Variants in PLET1 observed in about 807,000 individuals in gnomAD.
PLET1 encodes placenta expressed transcript 1, also known as placenta-expressed transcript 1 protein.
PLET1 carries 20 observed loss-of-function variants against 18.5 expected under a neutral mutation model. That is an observed-to-expected ratio of 1.08 (90% CI 0.76 to 1.57). PLET1 has a LOEUF of 1.57. PLET1 is among the 40% of genes most tolerant of loss of function. PLET1 has a pLI of 0.00. For synonymous variants in PLET1, 93 were observed against 93.8 expected, an observed-to-expected ratio of 0.99 and a Z score of 0.05; for missense variants, 256 against 246.4, an observed-to-expected ratio of 1.04 and a Z score of -0.26.
intron 3 of PLET1, among the ~76,000 whole-genome samples, chr11:112,250,500 C>T (rs1860145132): frequency 6.6e-6 from 1 of 152,118 alleles, no homozygotes; most frequent in Non-Finnish European, 1.5e-5. Flanking sequence ...CTTTGATGGA[C>T]TTACACACTA....
chr11:112,249,290 G>A (rs1472144775), intron 3 of PLET1, among the ~76,000 whole-genome samples: 2 of 152,162 alleles, frequency 1.3e-5, no homozygotes, highest in Non-Finnish European at 2.9e-5. Context: ...GGGGTGGGTA[G>A]TCTCCTCCTG....
At position 112,252,444 on chromosome 11, in the gene PLET1, G is replaced by A. The variant is rs2135416745; in HGVS notation, c.387-35C>T. On this transcript the variant is annotated intron_variant, in intron 2 of 3. Coordinates refer to ENST00000338832, the MANE Select transcript of PLET1 (RefSeq NM_001145024.1). Reference sequence around the variant, plus strand: ...GCAAATCAATGAGAGATAATGCTGAGGACCTCATGCGGAATTCACAAGTTC... The same window carrying A: ...GCAAATCAATGAGAGATAATGCTGAAGACCTCATGCGGAATTCACAAGTTC... 2.6e-6 allele frequency: 4 copies of A among 1,529,690 alleles called. No homozygotes were observed. The East Asian group carries it at 7.4e-5, about 28-fold the overall frequency. The allele number at this position is 1,529,690 out of a possible 1,614,324, so 94.8% of individuals were successfully genotyped here. A position where few individuals can be genotyped will look rare whatever the true frequency, so the allele number is the denominator to read the frequency against.
chr11:112,255,333 C>A, intron 2 of PLET1, 55 bp downstream of exon 2: 1 of 1,508,168 alleles, frequency 6.6e-7, no homozygotes, highest in Non-Finnish European at 9.0e-7. Context: ...TGTAAAACTG[C>A]ATAAACCCAA....
At chr11:112,254,913 GGGTAT>G (rs1335615595) in intron 2 of PLET1, among the ~76,000 whole-genome samples, 81 of 108,422 alleles carry the variant, frequency 7.5e-4, no homozygotes, top group South Asian at 5.6e-3. Flanking sequence ...GGTGTGTGTG[GGGTAT>G]GTATGTGTGT....
intron 2 of PLET1, among the ~76,000 whole-genome samples, chr11:112,253,160 G>C (rs183701717): frequency 1.8e-4 from 28 of 152,272 alleles, no homozygotes; most frequent in Admixed American, 1.2e-3. Context: ...TGATGAAGGG[G>C]AAGAAATTCT....
intron 3 of PLET1, among the ~76,000 whole-genome samples, chr11:112,251,448 G>A (rs935607495): frequency 5.3e-5 from 8 of 152,164 alleles, no homozygotes; most frequent in Non-Finnish European, 1.0e-4. Context: ...GCCAGGCATG[G>A]TGGCTCATTC....
intron 1 of PLET1, among the ~76,000 whole-genome samples, chr11:112,257,885 T>G (rs1434685812): frequency 6.6e-6 from 1 of 152,232 alleles, no homozygotes; most frequent in Non-Finnish European, 1.5e-5. Flanking sequence ...AGTCCTGAGT[T>G]CTGGCAGTAA....
At chr11:112,258,460 T>G (rs570314417) in intron 1 of PLET1, among the ~76,000 whole-genome samples, 6 of 152,156 alleles carry the variant, frequency 3.9e-5, no homozygotes, top group Admixed American at 2.6e-4. Context: ...ATTTTTGTGT[T>G]TTTAGTAAAG....
intron 1 of PLET1, 40 bp from the exon 2 acceptor site, chr11:112,255,629 C>G (rs1380097837): frequency 2.6e-6 from 4 of 1,528,172 alleles, no homozygotes; most frequent in Non-Finnish European, 3.5e-6. Flanking sequence ...CCATCTGTTC[C>G]CTCTGAGCCA....
rs372730510 is a variant in PLET1 at position 112,255,453 on chromosome 11, G to A, written c.321C>T (p.Tyr107=). The A allele has an allele frequency of 1.9e-6, 3 of 1,552,190 alleles. No individual in the cohort carries two copies. The highest frequency in any genetic ancestry group is 2.7e-5 in the African/African-American group (2 of 73,028). ...SNSTYYVKDQ[Y]MTVLEAQWQA... ...GCCACTGTGCCTCTAAGACCGTCAT[G>A]TATTGATCTTTCACGTAATACGTGG... The change falls in exon 2 of 4, where the codon TAC becomes TAT. Residue 107 remains tyrosine, a synonymous_variant. Transcript: ENST00000338832.
At chr11:112,249,712 T>C (rs935237354) in intron 3 of PLET1, among the ~76,000 whole-genome samples, 3 of 151,968 alleles carry the variant, frequency 2.0e-5, no homozygotes, top group African/African-American at 7.2e-5. Flanking sequence ...ATCCCAGCAC[T>C]TTGGGAGGCT....
chr11:112,257,933 C>T (rs2564890), intron 1 of PLET1, among the ~76,000 whole-genome samples: 105,741 of 152,128 alleles, frequency 0.7, 37,222 homozygotes, highest in South Asian at 0.8. Context: ...TGTGTAACCA[C>T]GGGTGTGGGA....
At position 112,255,589 on chromosome 11, in the gene PLET1, A is replaced by C. The variant is rs1308416669; in HGVS notation, c.185T>G (p.Val62Gly). ...HIYESNAVYS[V>G]FVPVNDSVYA... Reference sequence around the variant, plus strand: ...GACGCTGTCATTCACGGGAACAAATACTGGGAGGAAATGATGAAGAAGCAA... The same window carrying C: ...GACGCTGTCATTCACGGGAACAAATCCTGGGAGGAAATGATGAAGAAGCAA... The change falls in exon 2 of 4, where the codon GTA becomes GGA. Residue 62 changes from valine to glycine, a missense_variant and splice_region_variant. Val to Gly is a moderately radical substitution (Grantham distance 109). Coordinates refer to ENST00000338832, the MANE Select transcript of PLET1 (RefSeq NM_001145024.1). 6.5e-7 allele frequency: 1 copy of C among 1,548,978 alleles called. No homozygotes were observed. The highest frequency in any genetic ancestry group is 2.0e-5 in the Admixed American group (1 of 50,908).
intron 1 of PLET1, among the ~76,000 whole-genome samples, chr11:112,257,875 A>C (rs569597703): frequency 5.3e-4 from 81 of 152,338 alleles, no homozygotes; most frequent in African/African-American, 1.8e-3. Context: ...AGTCCCCAGA[A>C]GTCCTGAGTT....
chr11:112,254,600 T>G (rs1860194315), intron 2 of PLET1, among the ~76,000 whole-genome samples: 1 of 128,076 alleles, frequency 7.8e-6, no homozygotes, highest in Non-Finnish European at 1.6e-5. Context: ...TGAGTGCGTA[T>G]GGCATGTGTG....
chr11:112,257,406 A>G (rs1347818515), intron 1 of PLET1, among the ~76,000 whole-genome samples: 2 of 147,600 alleles, frequency 1.4e-5, no homozygotes, highest in Non-Finnish European at 3.0e-5. Flanking sequence ...ATTCTTAATC[A>G]TATTGTACTT....
chr11:112,255,254 G>C lies in PLET1; in HGVS notation c.386+134C>G, dbSNP rs1452209503. The C allele has an allele frequency of 4.6e-6, 4 of 868,974 alleles. No homozygotes were observed. The African/African-American group carries it at 6.7e-5, about 15-fold the overall frequency. The allele number at this position is 868,974 out of a possible 1,614,324, so 53.8% of individuals were successfully genotyped here. Reference sequence around the variant, plus strand: ...AAGGGATGGTAGAGCACTGTGAGACGGTAATGAAGTGCGACTGCTGAGTTC... The same window carrying C: ...AAGGGATGGTAGAGCACTGTGAGACCGTAATGAAGTGCGACTGCTGAGTTC... On this transcript the variant is annotated intron_variant, in intron 2 of 3. Transcript: ENST00000338832.
At chr11:112,249,110 A>C (rs758379560) in intron 3 of PLET1, 136 bp from the exon 4 acceptor site, 3 of 805,694 alleles carry the variant, frequency 3.7e-6, no homozygotes, top group Non-Finnish European at 5.9e-6. Context: ...AATTCAATCA[A>C]CCCTTCTCCA....
At chr11:112,257,841 T>C (rs1860239060) in intron 1 of PLET1, among the ~76,000 whole-genome samples, 1 of 152,140 alleles carries the variant, frequency 6.6e-6, no homozygotes. Flanking sequence ...GAAAAGCGAT[T>C]GGCCTGGGTG....
Sources: allele counts gnomAD v4.1 joint callset (sites outside exome capture counted in the v4.1 genomes callset), GRCh38; gene constraint gnomAD v4.1.1; transcripts MANE v1.5; gene names NCBI Gene and HGNC (gene_info 2026-07-23, HGNC 2026-07-21).